The following XAGE5 variants were observed in gnomAD, a reference collection of about 807,000 sequenced individuals.
XAGE5 encodes X antigen family member 5.
In XAGE5, 13 loss-of-function variants were observed where a neutral mutation model predicts 13.1. That is an observed-to-expected ratio of 0.99 (90% CI 0.64 to 1.57). XAGE5 has a LOEUF of 1.57. XAGE5 is among the 40% of genes most tolerant of loss of function. The probability of loss-of-function intolerance (pLI) is 0.00; values close to 1 mark genes in which losing one functional copy is unlikely to be tolerated. For synonymous variants in XAGE5, 17 were observed against 25.0 expected (o/e 0.68, Z 0.96); for missense variants, 86 against 77.6 (o/e 1.11, Z -0.41).
chrX:52,816,836 A>G (rs1441536158), intron 5 of XAGE5, among the ~76,000 whole-genome samples: 4 of 112,154 alleles, frequency 3.6e-5, no homozygotes, highest in Admixed American at 2.9e-4. Context: ...CGTTAAATGC[A>G]TATCTTATTA....
intron 4 of XAGE5, among the ~76,000 whole-genome samples, chrX:52,813,910 G>A (rs1332384759): frequency 1.8e-5 from 2 of 111,540 alleles, no homozygotes; most frequent in East Asian, 5.6e-4. Context: ...GGCTGAGGCA[G>A]GAGAATTTCT....
rs782292771 is a variant in XAGE5 at position 52,811,561 on chromosome X, GGAA to G, written c.-162_-160del. On this transcript the variant is annotated 5_prime_UTR_variant, in exon 2 of 6. Transcript: ENST00000375501. ...CTTGTCTTGTAGGGGTCAGGACGAA[GGAA>G]GAAGGAGGGCTTCGGAGTGCGACGG... 9.9e-5 allele frequency among the ~76,000 whole-genome samples: 11 copies of G among 111,320 alleles called. No homozygotes were observed. Among genetic ancestry groups the G allele is most frequent in the Admixed American group, 7.6e-4 (8 of 10,471 alleles).
rs1196510677 is a variant in XAGE5 at position 52,811,691 on chromosome X, G to A, written c.-37G>A. ...AGAGGACAAATTCCAGACTCCTCAA[G>A]GGACATCAAGGCTGGAATGTCGTGG... is the stretch of plus-strand genomic sequence containing the variant. On this transcript the variant is annotated 5_prime_UTR_variant, in exon 2 of 6. Coordinates refer to ENST00000375501, the MANE Select transcript of XAGE5 (RefSeq NM_001386970.1). Among the ~76,000 whole-genome samples, 1 of 110,491 alleles carries A rather than the reference G, an allele frequency of 9.1e-6. No individual in the cohort carries two copies. Among genetic ancestry groups the A allele is most frequent in the Non-Finnish European group, 1.9e-5 (1 of 52,850 alleles).
At chrX:52,812,193 G>C in intron 2 of XAGE5, 1 of 142,910 alleles carries the variant, frequency 7.0e-6, no homozygotes, top group East Asian at 1.9e-4. Context: ...TTGCAAGTTA[G>C]CATTTGGCCA....
chrX:52,814,233 G>A (rs781896771), intron 4 of XAGE5: 2 of 330,590 alleles, frequency 6.0e-6, no homozygotes, highest in South Asian at 5.2e-5. Flanking sequence ...CAGTGAAACA[G>A]GATAGCAACT....
intron 3 of XAGE5, 70 bp from the exon 4 acceptor site, chrX:52,813,070 T>C (rs782105840): frequency 1.6e-4 from 121 of 752,316 alleles, no homozygotes; most frequent in Non-Finnish European, 2.4e-4. Flanking sequence ...ATTCATATTA[T>C]TGACATGCAT....
At position 52,811,425 on chromosome X, in the gene XAGE5, G is replaced by A. The variant is rs782025833; in HGVS notation, c.-181+13G>A. Among the ~76,000 whole-genome samples the A allele has an allele frequency of 8.9e-6, 1 of 111,732 alleles. No individual in the cohort carries two copies. Among genetic ancestry groups the A allele is most frequent in the Non-Finnish European group, 1.9e-5 (1 of 53,077 alleles). On this transcript the variant is annotated intron_variant, in intron 1 of 5. Coordinates refer to ENST00000375501, the MANE Select transcript of XAGE5 (RefSeq NM_001386970.1). ...TGGGAGTTGAAGTGTGAGTGAGAGT[G>A]CGGAGGAGCCAGCGGGCTTCCGGAG... is the stretch of plus-strand genomic sequence containing the variant.
chrX:52,813,316 G>C lies in XAGE5; in HGVS notation c.178+71G>C, dbSNP rs1926841094. On this transcript the variant is annotated intron_variant, in intron 4 of 5. Coordinates refer to ENST00000375501, the MANE Select transcript of XAGE5 (RefSeq NM_001386970.1). ...GTGTGTGCATCACGCCTTATGCCATGACCAGTAACAGGAGGAAAGAAAGCA... is the reference window on the plus strand; with the variant it reads ...GTGTGTGCATCACGCCTTATGCCATCACCAGTAACAGGAGGAAAGAAAGCA... 65 of 971,284 alleles carry C rather than the reference G, an allele frequency of 6.7e-5. No individual in the cohort carries two copies. The South Asian group carries it at 1.4e-3, about 20-fold the overall frequency. 80.0% of individuals were successfully genotyped at this position (971,284 alleles called of 1,213,427 possible). A position where few individuals can be genotyped will look rare whatever the true frequency, so the allele number is the denominator to read the frequency against.
At chrX:52,811,903 T>A (rs782070884) in intron 2 of XAGE5, among the ~76,000 whole-genome samples, 184 bp downstream of exon 2, 2 of 110,999 alleles carry the variant, frequency 1.8e-5, no homozygotes, top group East Asian at 5.7e-4. Context: ...AAACTCGATT[T>A]TAGGGGGGAA....
intron 5 of XAGE5, among the ~76,000 whole-genome samples, chrX:52,816,702 T>C (rs1336310000): frequency 1.8e-5 from 2 of 111,998 alleles, no homozygotes; most frequent in African/African-American, 6.5e-5. Flanking sequence ...GGAGAAATTA[T>C]CTAAATGTTT....
At chrX:52,814,224 A>C (rs1926860008) in intron 4 of XAGE5, 1 of 329,405 alleles carries the variant, frequency 3.0e-6, no homozygotes, top group African/African-American at 2.7e-5. Flanking sequence ...AACGCAGTTC[A>C]GTGAAACAGG....
chrX:52,811,499 G>A (rs1556777295), intron 1 of XAGE5, among the ~76,000 whole-genome samples, 49 bp from the exon 2 acceptor site: 1 of 111,440 alleles, frequency 9.0e-6, no homozygotes, highest in African/African-American at 3.3e-5. Flanking sequence ...CCTTGATGTC[G>A]TCGTCCTTCT....
intron 4 of XAGE5, 30 bp downstream of exon 4, chrX:52,813,275 T>TG: frequency 8.5e-7 from 1 of 1,172,789 alleles, no homozygotes; most frequent in Non-Finnish European, 1.2e-6. Context: ...GGAATGTCTA[T>TG]GGGGGGAGGA....
intron 3 of XAGE5, 37 bp from the exon 4 acceptor site, chrX:52,813,103 C>A (rs367698991): frequency 1.1e-4 from 132 of 1,152,859 alleles, no homozygotes; most frequent in Non-Finnish European, 1.5e-4. Context: ...TTTTTTATCT[C>A]CACACACACA....
intron 4 of XAGE5, 151 bp downstream of exon 4, chrX:52,813,396 A>G: frequency 1.9e-6 from 1 of 529,509 alleles, no homozygotes; most frequent in Non-Finnish European, 3.1e-6. Context: ...TGGAAATGTG[A>G]TGGGTATAGT....
At chrX:52,813,487 C>T (rs782199527) in intron 4 of XAGE5, among the ~76,000 whole-genome samples, 1 of 111,704 alleles carries the variant, frequency 9.0e-6, no homozygotes, top group Admixed American at 9.5e-5. Flanking sequence ...AAAATATAGT[C>T]CTTCCTAAAT....
intron 3 of XAGE5, 123 bp downstream of exon 3, chrX:52,812,761 T>C: frequency 1.5e-6 from 1 of 657,019 alleles, no homozygotes. Flanking sequence ...GATCATGGCA[T>C]CTCATGAAGG....
At chrX:52,817,724 C>T (rs1270817757) in intron 5 of XAGE5, among the ~76,000 whole-genome samples, 3 of 112,227 alleles carry the variant, frequency 2.7e-5, no homozygotes, top group Non-Finnish European at 5.6e-5. Context: ...GGTTTTCAGA[C>T]TATTTGTAGG....
intron 4 of XAGE5, chrX:52,814,325 T>G: frequency 3.3e-6 from 1 of 304,987 alleles, no homozygotes; most frequent in East Asian, 1.0e-4. Context: ...AGGTGGATAA[T>G]TCAGGATGTT....
Sources: allele counts gnomAD v4.1 joint callset (sites outside exome capture counted in the v4.1 genomes callset), GRCh38; gene constraint gnomAD v4.1.1; transcripts MANE v1.5; gene names NCBI Gene and HGNC (gene_info 2026-07-23, HGNC 2026-07-21).